The following CRACDL variants were observed in gnomAD, a reference collection of about 807,000 sequenced individuals.
The protein encoded by CRACDL is CRACD-like protein.
In CRACDL, 26 loss-of-function variants were observed where a neutral mutation model predicts 70.6. The observed-to-expected ratio is 0.37, with a 90% CI of 0.27 to 0.51. CRACDL has a LOEUF of 0.51. CRACDL is among the 20% of genes least tolerant of loss of function. The pLI, the probability that CRACDL is intolerant of heterozygous loss-of-function variation, is 0.94. For missense variants in CRACDL, 1,283 were observed against 1,376.9 expected (o/e 0.93, Z 1.08); for synonymous variants, 618 against 615.2 (o/e 1.00, Z -0.07).
chr2:98,936,154 G>T lies in CRACDL; in HGVS notation c.-227C>A, dbSNP rs1270846617. The T allele has an allele frequency of 6.6e-6, 1 of 151,164 alleles. No individual in the cohort carries two copies. The highest frequency in any genetic ancestry group is 1.5e-5 in the Non-Finnish European group (1 of 67,688). The allele number at this position is 151,164 out of a possible 1,614,324, so 9.4% of individuals were successfully genotyped here. On this transcript the variant is annotated 5_prime_UTR_variant, in exon 1 of 10. Transcript: ENST00000397899. ...GACACTACCCTCCCGCGGCCGGCCC[G>T]GCCCTGCGCCCGGCGCGCTCCCAGC...
chr2:98,873,943 T>C (rs2104602607), intron 1 of CRACDL, among the ~76,000 whole-genome samples: 1 of 152,264 alleles, frequency 6.6e-6, no homozygotes, highest in Non-Finnish European at 1.5e-5. Flanking sequence ...GAGGCAGAGG[T>C]TGCAGTGAGC....
chr2:98,857,862 T>C (rs1193989768), intron 1 of CRACDL, among the ~76,000 whole-genome samples: 1 of 152,200 alleles, frequency 6.6e-6, no homozygotes, highest in African/African-American at 2.4e-5. Flanking sequence ...TGTGTATATA[T>C]ATGCATATCT....
intron 7 of CRACDL, chr2:98,809,629 C>T (rs1405059479): frequency 2.0e-5 from 3 of 152,176 alleles, no homozygotes; most frequent in African/African-American, 7.2e-5. Flanking sequence ...TTCCTCCCCA[C>T]CGTCCGTATA....
At chr2:98,858,425 T>A (rs1573087684) in intron 1 of CRACDL, among the ~76,000 whole-genome samples, 1 of 146,624 alleles carries the variant, frequency 6.8e-6, no homozygotes, top group African/African-American at 2.5e-5. Flanking sequence ...TGAGGCATGA[T>A]AATCTCTTGA....
chr2:98,796,201 C>T lies in CRACDL; in HGVS notation c.2668G>A (p.Ala890Thr), dbSNP rs750928579. The change falls in exon 9 of 10, where the codon GCT becomes ACT. Residue 890 changes from alanine (A) to threonine (T), a missense_variant. Physicochemically the swap from Ala to Thr is moderately conservative, Grantham distance 58 (BLOSUM62 0). Coordinates refer to ENST00000397899, the MANE Select transcript of CRACDL (RefSeq NM_207362.3). ...KSFLITPVKP[A>T]VDRKQGAKLN... ...TTTGCCCCCTGCTTCCGGTCCACAG[C>T]GGGCTTCACAGGGGTTATCAGGAAA... The T allele has an allele frequency of 6.2e-6, 10 of 1,614,012 alleles. No individual in the cohort carries two copies. The highest frequency in any genetic ancestry group is 4.0e-5 in the African/African-American group (3 of 74,948).
At chr2:98,888,455 T>C (rs373291687) in intron 1 of CRACDL, among the ~76,000 whole-genome samples, 1 of 152,222 alleles carries the variant, frequency 6.6e-6, no homozygotes, top group Non-Finnish European at 1.5e-5. Flanking sequence ...CCAGACTAGA[T>C]TGTTATTAAT....
At chr2:98,821,391 C>T (rs1705020344) in intron 7 of CRACDL, among the ~76,000 whole-genome samples, 1 of 152,146 alleles carries the variant, frequency 6.6e-6, no homozygotes. Context: ...CTATGTTGCC[C>T]AGGTTGGTGT....
At chr2:98,830,714 G>A (rs1344635050) in intron 5 of CRACDL, among the ~76,000 whole-genome samples, 1 of 152,128 alleles carries the variant, frequency 6.6e-6, no homozygotes, top group African/African-American at 2.4e-5. Context: ...ACAGGAGGTG[G>A]TTGTGCTGTG....
intron 1 of CRACDL, among the ~76,000 whole-genome samples, chr2:98,877,395 C>G (rs577759588): frequency 1.3e-5 from 2 of 152,268 alleles, no homozygotes; most frequent in East Asian, 1.9e-4. Flanking sequence ...TATAACGGAG[C>G]TGGGAAATTC....
chr2:98,892,230 T>C (rs1192465466), intron 1 of CRACDL, among the ~76,000 whole-genome samples: 3 of 152,158 alleles, frequency 2.0e-5, no homozygotes, highest in Non-Finnish European at 4.4e-5. Context: ...TGTAGATAAA[T>C]GAATAAATAT....
intron 1 of CRACDL, among the ~76,000 whole-genome samples, chr2:98,876,071 C>T (rs1707482528): frequency 6.6e-6 from 1 of 152,206 alleles, no homozygotes. Flanking sequence ...AGCCAGTGTG[C>T]TCCAGTGATC....
At chr2:98,897,162 C>T (rs1327676975) in intron 1 of CRACDL, among the ~76,000 whole-genome samples, 3 of 152,114 alleles carry the variant, frequency 2.0e-5, no homozygotes, top group Non-Finnish European at 2.9e-5. Flanking sequence ...TTCTCCGTCA[C>T]GATCGTTCTG....
At chr2:98,829,802 G>A (rs1705460984) in intron 5 of CRACDL, among the ~76,000 whole-genome samples, 1 of 152,192 alleles carries the variant, frequency 6.6e-6, no homozygotes, top group Non-Finnish European at 1.5e-5. Flanking sequence ...TGGGGGCAGT[G>A]CATGCAGGAA....
At position 98,797,258 on chromosome 2, in the gene CRACDL, G is replaced by A. The variant is rs558615564; in HGVS notation, c.2604+92C>T. ...AGGTGACGGTCCCTGTGACGCCCATGCAGCACATGTGGTCCTTACAGGGTC... is the reference window on the plus strand; with the variant it reads ...AGGTGACGGTCCCTGTGACGCCCATACAGCACATGTGGTCCTTACAGGGTC... On this transcript the variant is annotated intron_variant, in intron 8 of 9. Transcript: ENST00000397899. The A allele has an allele frequency of 1.9e-5, 23 of 1,194,148 alleles. No homozygotes were observed. In the African/African-American group the frequency reaches 3.3e-4, roughly 17 times the overall value. 74.0% of individuals were successfully genotyped at this position (1,194,148 alleles called of 1,614,324 possible).
chr2:98,845,445 T>A lies in CRACDL; in HGVS notation c.70+1286A>T, dbSNP rs547723561. On this transcript the variant is annotated intron_variant, in intron 2 of 9. Transcript: ENST00000397899. ...CCTGGGCTCAAGCAATCCTCCCACC[T>A]CGGCCTCTCAGAGTGCTGGGATTAC... Among the ~76,000 whole-genome samples the A allele has an allele frequency of 2.0e-5, 3 of 152,284 alleles. No individual in the cohort carries two copies. The South Asian group carries it at 6.2e-4, about 32-fold the overall frequency.
In CRACDL at chr2:98,822,341, C is replaced by T. The variant is rs771981321; in HGVS notation, c.1932G>A (p.Ala644=). 10 of 1,458,668 alleles carry T rather than the reference C, an allele frequency of 6.9e-6. No individual in the cohort carries two copies. The highest frequency in any genetic ancestry group is 1.5e-5 in the African/African-American group (1 of 67,134). 90.4% of individuals were successfully genotyped at this position (1,458,668 alleles called of 1,614,324 possible). A position where few individuals can be genotyped will look rare whatever the true frequency, so the allele number is the denominator to read the frequency against. Residue 644 remains alanine, a synonymous_variant, in exon 7 of 10, where the codon GCG becomes GCA. Transcript: ENST00000397899. The surrounding 1 kb of genome is among the most constrained non-coding windows in gnomAD (Gnocchi z 4.9). ...ERGPQDSGDR[A]ASPAGPRKSP... Reference sequence around the variant, plus strand: ...TCTTGCGCGGCCCGGCCGGGCTGGCCGCCCTGTCCCCCGAGTCCTGAGGGC... The same window carrying T: ...TCTTGCGCGGCCCGGCCGGGCTGGCTGCCCTGTCCCCCGAGTCCTGAGGGC...
intron 6 of CRACDL, 102 bp downstream of exon 6, chr2:98,826,873 G>T: frequency 1.3e-6 from 1 of 757,866 alleles, no homozygotes; most frequent in Non-Finnish European, 2.2e-6. Context: ...CTCAGAGGGG[G>T]CATGAGACCC....
rs747413919 is a variant in CRACDL at position 98,797,469 on chromosome 2, C to T, written c.2485G>A (p.Val829Ile). 1.5e-5 allele frequency: 24 copies of T among 1,614,220 alleles called. No homozygotes were observed. The highest frequency in any genetic ancestry group is 1.8e-5 in the Non-Finnish European group (21 of 1,180,038). Residue 829 changes from valine (V) to isoleucine (I), a missense_variant, in exon 8 of 10, where the codon GTC becomes ATC. Physicochemically the swap from Val to Ile is conservative, Grantham distance 29. Around this residue, in one of 2 missense-constraint regions of CRACDL, gnomAD observed 921 missense variants for 881.9 expected, o/e 1.04. Coordinates refer to ENST00000397899, the MANE Select transcript of CRACDL (RefSeq NM_207362.3). The stretch of plus-strand genomic sequence containing the variant: ...GTCCCCCTCCGCTTCTGCCGAGTGA[C>T]GGTGATCCAGGGTGGCGCAGGCTGC... ...DGQPAPPWITVTRQKRRGTLD... is the reference protein window; with the variant it reads ...DGQPAPPWITITRQKRRGTLD...
chr2:98,797,051 G>A (rs72827739), intron 8 of CRACDL, among the ~76,000 whole-genome samples: 3,139 of 152,304 alleles, frequency 0.021, 63 homozygotes, highest in East Asian at 0.093. Context: ...GAGCTGCTGC[G>A]TTGCCAAGGA....
Sources: gnomAD v4.1 joint callset for allele counts (sites outside exome capture counted in the v4.1 genomes callset) on GRCh38, gnomAD v4.1.1 for gene constraint, gnomAD v4.1.1 regional missense constraint, Gnocchi (gnomAD v3.1) non-coding constraint, MANE v1.5 for transcripts, NCBI Gene and HGNC (gene_info 2026-07-23, HGNC 2026-07-21) for gene names.